Variants in ARL5A observed in about 807,000 individuals in gnomAD.
ARL5A encodes ADP-ribosylation factor-like protein 5A.
Under a neutral mutation model 25.9 loss-of-function variants are expected in ARL5A, and 18 were observed. The observed-to-expected ratio is 0.69, with a 90% confidence interval of 0.48 to 1.03. ARL5A has a LOEUF of 1.03. Ranked by LOEUF, ARL5A falls within the 50% of genes least tolerant of loss-of-function variation. The pLI, the probability that ARL5A is intolerant of heterozygous loss-of-function variation, is 0.00. For missense variants in ARL5A, 170 were observed against 211.9 expected, an observed-to-expected ratio of 0.80 and a Z score of 1.23; for synonymous variants, 61 against 67.5, an observed-to-expected ratio of 0.90 and a Z score of 0.47.
At chr2:151,810,471 T>A in intron 4 of ARL5A, 1 of 370,518 alleles carries the variant, frequency 2.7e-6, no homozygotes, top group Non-Finnish European at 5.4e-6. Flanking sequence ...AACTCCCAAC[T>A]TCATCTGTAA....
chr2:151,822,602 T>C (rs1217363806), intron 1 of ARL5A, among the ~76,000 whole-genome samples: 1 of 152,236 alleles, frequency 6.6e-6, no homozygotes, highest in Non-Finnish European at 1.5e-5. Flanking sequence ...AAAGACTTCA[T>C]AGAATCCCAA....
chr2:151,827,296 G>A (rs1358984759), intron 1 of ARL5A, among the ~76,000 whole-genome samples: 1 of 152,176 alleles, frequency 6.6e-6, no homozygotes, highest in Non-Finnish European at 1.5e-5. Flanking sequence ...AGCCTGATAG[G>A]TATTTCATGG....
In ARL5A at chr2:151,828,211, G is replaced by C. The variant is rs772018021; in HGVS notation, c.-35C>G. ...GCGGACCCCCCCCCTCCAGACACCC[G>C]GGCCGCCTGGCTTCCCCCGGCTCAG... On this transcript the variant is annotated 5_prime_UTR_variant, in exon 1 of 6. Transcript: ENST00000295087. 2 of 1,596,156 alleles carry C rather than the reference G, an allele frequency of 1.3e-6. No individual in the cohort carries two copies. Among genetic ancestry groups the C allele is most frequent in the South Asian group, 1.1e-5 (1 of 90,156 alleles).
rs1048222981 is a variant in ARL5A at position 151,802,416 on chromosome 2, T to C, written c.*860A>G. The C allele has an allele frequency of 7.2e-5, 11 of 152,130 alleles. No homozygotes were observed. The highest frequency in any genetic ancestry group is 2.7e-4 in the African/African-American group (11 of 41,448). The allele number at this position is 152,130 out of a possible 1,614,324, so 9.4% of individuals were successfully genotyped here. ...ATTAATGGATTAATAATTTATTCAG[T>C]AATTTAGATGCCATAAGAACCACTG... On this transcript the variant is annotated 3_prime_UTR_variant, in exon 6 of 6. Coordinates refer to ENST00000295087, the MANE Select transcript of ARL5A (RefSeq NM_012097.4).
chr2:151,801,620 T>G lies in ARL5A; in HGVS notation c.*1656A>C, dbSNP rs1387202626. The stretch of plus-strand genomic sequence containing the variant: ...CATTATAAATATAAAACATAAAACA[T>G]CCAATGTTAAATACTGATATCCCAT... On this transcript the variant is annotated 3_prime_UTR_variant, in exon 6 of 6. Coordinates refer to ENST00000295087, the MANE Select transcript of ARL5A (RefSeq NM_012097.4). The G allele has an allele frequency of 6.6e-6, 1 of 152,098 alleles. No individual in the cohort carries two copies. Among genetic ancestry groups the G allele is most frequent in the Non-Finnish European group, 1.5e-5 (1 of 67,952 alleles). The allele number at this position is 152,098 out of a possible 1,614,324, so 9.4% of individuals were successfully genotyped here.
intron 4 of ARL5A, chr2:151,810,387 C>G (rs1161235290): frequency 4.3e-6 from 1 of 231,092 alleles, no homozygotes; most frequent in African/African-American, 2.3e-5. Flanking sequence ...CACATTCTCA[C>G]TCTTTGATCC....
At chr2:151,826,058 G>A (rs976797291) in intron 1 of ARL5A, among the ~76,000 whole-genome samples, 3 of 152,088 alleles carry the variant, frequency 2.0e-5, no homozygotes, top group African/African-American at 4.8e-5. Flanking sequence ...GGAGGCACAG[G>A]TTGCAGTGGG....
chr2:151,803,245 T>C lies in ARL5A; in HGVS notation c.*31A>G, dbSNP rs762618722. ...CAGGTAAAGTCCAGCACTTCATTTA[T>C]ACAAAATCTATGAGAAGAGGTCAGT... is the stretch of plus-strand genomic sequence containing the variant. On this transcript the variant is annotated 3_prime_UTR_variant, in exon 6 of 6. Transcript: ENST00000295087. 10 of 1,575,062 alleles carry C rather than the reference T, an allele frequency of 6.3e-6. No homozygotes were observed. The highest frequency in any genetic ancestry group is 3.4e-4 in the Middle Eastern group (2 of 5,932).
chr2:151,814,184 G>C lies in ARL5A; in HGVS notation c.240C>G (p.Tyr80Ter). The stretch of plus-strand genomic sequence containing the variant: ...GAAACATTACCTCTGTGTTAGTATA[G>C]TAAGTGTTCCAGGAAGAACGAAGAG... ...QESLRSSWNT[Y>*]YTNTEFVIVV... The change falls in exon 3 of 6, where the codon TAC (tyrosine) becomes TAG (stop). Residue 80 changes from tyrosine to a stop codon, truncating the protein, a stop_gained. Coordinates refer to ENST00000295087, the MANE Select transcript of ARL5A (RefSeq NM_012097.4). LOFTEE classifies it high-confidence loss of function. 1 of 1,598,354 alleles carries C rather than the reference G, an allele frequency of 6.3e-7. No individual in the cohort carries two copies. Among genetic ancestry groups the C allele is most frequent in the Non-Finnish European group, 8.5e-7 (1 of 1,175,416 alleles).
intron 4 of ARL5A, 140 bp from the exon 5 acceptor site, chr2:151,807,112 A>G: frequency 4.1e-6 from 3 of 728,486 alleles, no homozygotes; most frequent in Non-Finnish European, 6.6e-6. Flanking sequence ...GCCTAGGCTG[A>G]TAACACATTT....
At chr2:151,810,329 T>C (rs1024093848) in intron 4 of ARL5A, 7 of 195,196 alleles carry the variant, frequency 3.6e-5, no homozygotes, top group African/African-American at 1.2e-4. Context: ...TTATGTAGTA[T>C]GTAAGAAACA....
At chr2:151,821,906 A>G (rs2099832392) in intron 1 of ARL5A, among the ~76,000 whole-genome samples, 1 of 147,964 alleles carries the variant, frequency 6.8e-6, no homozygotes, top group Non-Finnish European at 1.5e-5. Context: ...CTGGAGTGCA[A>G]TGGCATGATC....
At chr2:151,806,022 T>C in intron 5 of ARL5A, among the ~76,000 whole-genome samples, 1 of 152,186 alleles carries the variant, frequency 6.6e-6, no homozygotes, top group Admixed American at 6.5e-5. Flanking sequence ...CTCTTTAAAC[T>C]ACACTTACCT....
intron 3 of ARL5A, 36 bp from the exon 4 acceptor site, chr2:151,812,476 C>A: frequency 7.3e-7 from 1 of 1,361,262 alleles, no homozygotes; most frequent in Non-Finnish European, 1.0e-6. Flanking sequence ...AGTGATTATA[C>A]AATTTGGTAT....
Position 151,801,862 on chromosome 2 carries a change from G to C in ARL5A, c.*1414C>G, listed in dbSNP as rs184101860. The C allele has an allele frequency of 6.6e-6, 1 of 151,916 alleles. No homozygotes were observed. Among genetic ancestry groups the C allele is most frequent in the Non-Finnish European group, 1.5e-5 (1 of 67,920 alleles). The allele number at this position is 151,916 out of a possible 1,614,324, so 9.4% of individuals were successfully genotyped here. On this transcript the variant is annotated 3_prime_UTR_variant, in exon 6 of 6. Transcript: ENST00000295087. Reference sequence around the variant, plus strand: ...TCAAGGCATGAAAGATACATAAATAGAGTACCCAAGAATATGTTTTAACAC... The same window carrying C: ...TCAAGGCATGAAAGATACATAAATACAGTACCCAAGAATATGTTTTAACAC...
intron 1 of ARL5A, among the ~76,000 whole-genome samples, chr2:151,816,462 T>C (rs1249056870): frequency 3.3e-5 from 5 of 152,226 alleles, no homozygotes; most frequent in Non-Finnish European, 7.3e-5. Flanking sequence ...TAATAAATCA[T>C]TGCTTTAAGT....
rs1196627632 is a variant in ARL5A, at chr2:151,802,521, C to T, written c.*755G>A. The T allele has an allele frequency of 6.6e-6, 1 of 152,066 alleles. No homozygotes were observed. The highest frequency in any genetic ancestry group is 2.4e-5 in the African/African-American group (1 of 41,406). The allele number at this position is 152,066 out of a possible 1,614,324, so 9.4% of individuals were successfully genotyped here. The stretch of plus-strand genomic sequence containing the variant: ...AGCCAAGAATCTGCTAGCTTTCCCA[C>T]TCTGTTGAATTACATGTTTCCATGT... On this transcript the variant is annotated 3_prime_UTR_variant, in exon 6 of 6. Transcript: ENST00000295087.
At chr2:151,819,818 G>A (rs1386377017) in intron 1 of ARL5A, among the ~76,000 whole-genome samples, 1 of 151,956 alleles carries the variant, frequency 6.6e-6, no homozygotes, top group African/African-American at 2.4e-5. Context: ...CACTTTGGGA[G>A]GCCGAGGCAG....
intron 2 of ARL5A, among the ~76,000 whole-genome samples, chr2:151,814,818 C>A (rs1269963708): frequency 6.6e-6 from 1 of 151,996 alleles, no homozygotes; most frequent in Admixed American, 6.6e-5. Context: ...TTTAAGCGAT[C>A]CTCCCACCTC....
Sources: allele counts gnomAD v4.1 joint callset (sites outside exome capture counted in the v4.1 genomes callset), GRCh38; gene constraint gnomAD v4.1.1; transcripts MANE v1.5; gene names NCBI Gene and HGNC (gene_info 2026-07-23, HGNC 2026-07-21).